The following PLXNA4 variants were observed in gnomAD, a reference collection of about 807,000 sequenced individuals.
PLXNA4 encodes plexin A4.
Under a neutral mutation model 191.8 loss-of-function variants are expected in PLXNA4, and 44 were observed. That is an observed-to-expected ratio of 0.23 (90% CI 0.18 to 0.29). The LOEUF is 0.29. Among genes scored for constraint, PLXNA4 ranks in the 10% least tolerant of loss-of-function variants. The probability of loss-of-function intolerance (pLI) is 1.00; values close to 1 mark genes in which losing one functional copy is unlikely to be tolerated. For synonymous variants in PLXNA4, 1,082 were observed against 1,009.5 expected (o/e 1.07, Z -1.36); for missense variants, 1,800 against 2,488.8 (o/e 0.72, Z 5.89).
chr7:132,541,666 G>C (rs1375535317), intron 1 of PLXNA4, among the ~76,000 whole-genome samples: 2 of 152,268 alleles, frequency 1.3e-5, no homozygotes, highest in Non-Finnish European at 2.9e-5. Flanking sequence ...GCCCACGTCA[G>C]TGAAATAGCT....
At chr7:132,328,449 C>T (rs924793296) in intron 3 of PLXNA4, among the ~76,000 whole-genome samples, 2 of 152,172 alleles carry the variant, frequency 1.3e-5, no homozygotes, top group African/African-American at 2.4e-5. Context: ...GTGCAAGATG[C>T]CTGGGGCTAA....
upstream of PLXNA4, among the ~76,000 whole-genome samples, chr7:132,580,362 C>T (rs1802379901): frequency 6.6e-6 from 1 of 152,148 alleles, no homozygotes; most frequent in Admixed American, 6.5e-5. Flanking sequence ...TACCCCCTCT[C>T]CCTTGGTGAG....
At chr7:132,184,779 G>T (rs192198338) in intron 16 of PLXNA4, among the ~76,000 whole-genome samples, 23 of 152,294 alleles carry the variant, frequency 1.5e-4, no homozygotes, top group Admixed American at 1.5e-3. Flanking sequence ...CCCTTGAGGA[G>T]TTTACAGCAG....
intron 30 of PLXNA4, among the ~76,000 whole-genome samples, chr7:132,136,840 T>C (rs1344052076): frequency 6.6e-6 from 1 of 152,214 alleles, no homozygotes; most frequent in Non-Finnish European, 1.5e-5. Context: ...CCTGATGCTC[T>C]GATATTCCCA....
rs34455636 is a variant in PLXNA4, at chr7:132,251,051, CT to C, written c.1504-9886del. On this transcript the variant is annotated intron_variant, in intron 4 of 31. Transcript: ENST00000321063. ...ATCAAAGTGCTGCTCCTGTTCCAGC[CT>C]TTTTTTTTTTTTTTTTGACTCTGTG... 8.2e-3 allele frequency among the ~76,000 whole-genome samples: 1,065 copies of C among 129,988 alleles called. 5 individuals carry two copies. The highest frequency in any genetic ancestry group is 0.012 in the South Asian group (47 of 4,016). 85.3% of individuals were successfully genotyped at this position (129,988 alleles called of 152,430 possible). A position where few individuals can be genotyped will look rare whatever the true frequency, so the allele number is the denominator to read the frequency against.
chr7:132,161,333 G>A (rs1475886177), intron 24 of PLXNA4, among the ~76,000 whole-genome samples: 3 of 152,244 alleles, frequency 2.0e-5, no homozygotes, highest in Admixed American at 6.5e-5. Flanking sequence ...AGGAGTTGGC[G>A]TTCTAAAGTG....
chr7:132,140,799 C>T lies in PLXNA4; in HGVS notation c.5238G>A (p.Arg1746=). ...HTWKSNCLPL[R]FWVNMIKNPQ... The stretch of plus-strand genomic sequence containing the variant: ...GGTTCTTGATCATGTTGACCCAAAA[C>T]CTCAGGGGCAGGCTGCGTGGAAGGA... Residue 1746 remains arginine (R), a synonymous_variant, in exon 30 of 32, where the codon AGG becomes AGA. Coordinates refer to ENST00000321063, the MANE Select transcript of PLXNA4 (RefSeq NM_020911.2). 2 of 1,613,944 alleles carry T rather than the reference C, an allele frequency of 1.2e-6. No individual in the cohort carries two copies. The highest frequency in any genetic ancestry group is 1.7e-6 in the Non-Finnish European group (2 of 1,179,992).
At position 132,564,380 on chromosome 7, in the gene PLXNA4, C is replaced by T. The variant is rs534584480; in HGVS notation, c.-87+12042G>A. Reference sequence around the variant, plus strand: ...CTTTCTCCTCCTCCTCCTTCTCCTCCTCCTCCTCCTCCCCCTCTTCTTGCT... The same window carrying T: ...CTTTCTCCTCCTCCTCCTTCTCCTCTTCCTCCTCCTCCCCCTCTTCTTGCT... On this transcript the variant is annotated intron_variant, in intron 1 of 31. Transcript: ENST00000321063. Among the ~76,000 whole-genome samples the T allele has an allele frequency of 1.6e-4, 24 of 150,788 alleles. No homozygotes were observed. In the South Asian group the frequency reaches 2.6e-3, roughly 16 times the overall value.
At position 132,369,514 on chromosome 7, in the gene PLXNA4, A is replaced by T. The variant is rs532994876; in HGVS notation, c.1372-71292T>A. On this transcript the variant is annotated intron_variant, in intron 3 of 31. Coordinates refer to ENST00000321063, the MANE Select transcript of PLXNA4 (RefSeq NM_020911.2). ...ACTGGCTTGGCTAATGGAAGAAGCC[A>T]GGGGGGCTGTGTGGAAAGAATGGAA... 9.6e-4 allele frequency among the ~76,000 whole-genome samples: 146 copies of T among 152,206 alleles called. 1 individual carries two copies. The highest frequency in any genetic ancestry group is 1.8e-3 in the Non-Finnish European group (123 of 68,008).
intron 3 of PLXNA4, among the ~76,000 whole-genome samples, chr7:132,363,205 G>C (rs373606125): frequency 1.7e-4 from 26 of 152,200 alleles, no homozygotes; most frequent in African/African-American, 6.0e-4. Flanking sequence ...GGCTGGTCTC[G>C]AACTCCTGAC....
chr7:132,420,664 C>A (rs1794818240), intron 3 of PLXNA4, among the ~76,000 whole-genome samples: 1 of 152,192 alleles, frequency 6.6e-6, no homozygotes, highest in South Asian at 2.1e-4. Context: ...GTGCAACCAT[C>A]ACCACTGATA....
chr7:132,247,073 C>G (rs949058472), intron 4 of PLXNA4, among the ~76,000 whole-genome samples: 1 of 152,258 alleles, frequency 6.6e-6, no homozygotes, highest in East Asian at 1.9e-4. Context: ...CCCCATTGCC[C>G]AACTCCCACC....
chr7:132,202,619 G>T, intron 12 of PLXNA4, 27 bp downstream of exon 12: 1 of 1,439,566 alleles, frequency 6.9e-7, no homozygotes. Context: ...CTGCCCATTT[G>T]GAGCAGGAGG....
At chr7:132,132,374 TTCTATTTGTTC>T (rs1794953439) in intron 31 of PLXNA4, among the ~76,000 whole-genome samples, 5 of 151,074 alleles carry the variant, frequency 3.3e-5, no homozygotes, top group Non-Finnish European at 7.4e-5. Flanking sequence ...AGAAAACACA[TTCTATTTGTTC>T]TGTTCTGTTC....
intron 30 of PLXNA4, among the ~76,000 whole-genome samples, chr7:132,139,923 TGGC>T (rs1308704743): frequency 6.6e-6 from 1 of 152,244 alleles, no homozygotes; most frequent in Non-Finnish European, 1.5e-5. Context: ...TTCAGGTGCT[TGGC>T]GTATGGAGCT....
intron 3 of PLXNA4, among the ~76,000 whole-genome samples, chr7:132,487,388 A>C (rs1315006547): frequency 6.6e-6 from 1 of 152,212 alleles, no homozygotes; most frequent in African/African-American, 2.4e-5. Context: ...ATTTACTCTT[A>C]ATGGTGCTCA....
chr7:132,585,964 G>T (rs980977118), intron 2 of PLXNA4, among the ~76,000 whole-genome samples: 1 of 152,212 alleles, frequency 6.6e-6, no homozygotes. Flanking sequence ...TTAGGCTGGT[G>T]TTGCTCTCTA....
At chr7:132,259,436 C>CAAAAAAAAAAAAAAAA (rs55902635) in intron 4 of PLXNA4, among the ~76,000 whole-genome samples, 18 of 33,868 alleles carry the variant, frequency 5.3e-4, no homozygotes, top group Non-Finnish European at 6.7e-4. Flanking sequence ...AACTCCAACT[C>CAAAAAAAAAAAAAAAA]AAAAAAAAAA....
intron 3 of PLXNA4, among the ~76,000 whole-genome samples, chr7:132,400,916 AG>A (rs1364397126): frequency 6.6e-6 from 1 of 152,242 alleles, no homozygotes; most frequent in African/African-American, 2.4e-5. Flanking sequence ...AAATAGCAGG[AG>A]AAAACTGTCA....
Sources: gnomAD v4.1 joint callset for allele counts (sites outside exome capture counted in the v4.1 genomes callset) on GRCh38, gnomAD v4.1.1 for gene constraint, MANE v1.5 for transcripts, NCBI Gene and HGNC (gene_info 2026-07-23, HGNC 2026-07-21) for gene names.